Variants in ZNF292 observed in about 807,000 individuals in gnomAD.
ZNF292 encodes the protein zinc finger protein 292, also known as 16 zinc-finger domain protein.
In ZNF292, 26 loss-of-function variants were observed where a neutral mutation model predicts 217.9. The observed-to-expected ratio is 0.12, with a 90% CI of 0.09 to 0.17. The LOEUF (loss-of-function observed/expected upper bound fraction) is 0.17. ZNF292 is among the 10% of genes least tolerant of loss of function. ZNF292 has a pLI of 1.00. For synonymous variants in ZNF292, 1,257 were observed against 1,124.1 expected (o/e 1.12, Z -2.37); for missense variants, 2,904 against 3,175.2 (o/e 0.91, Z 2.05).
chr6:87,247,774 G>T (rs1244527488), intron 7 of ZNF292, among the ~76,000 whole-genome samples: 1 of 152,132 alleles, frequency 6.6e-6, no homozygotes, highest in African/African-American at 2.4e-5. Context: ...TATAATTATG[G>T]AAAAATCTAG....
At chr6:87,170,615 C>G (rs538161064) in intron 1 of ZNF292, among the ~76,000 whole-genome samples, 176 of 152,264 alleles carry the variant, frequency 1.2e-3, no homozygotes, top group Admixed American at 1.8e-3. Context: ...GAGGATTTAC[C>G]TATAATTGAA....
At chr6:87,240,340 T>G (rs1582481808) in intron 5 of ZNF292, among the ~76,000 whole-genome samples, 1 of 77,606 alleles carries the variant, frequency 1.3e-5, no homozygotes, top group Non-Finnish European at 2.4e-5. Flanking sequence ...AGGGAGACCG[T>G]GGAAAGAGAG....
intron 5 of ZNF292, among the ~76,000 whole-genome samples, chr6:87,237,193 A>T (rs188988665): frequency 1.3e-5 from 2 of 152,164 alleles, no homozygotes; most frequent in African/African-American, 2.4e-5. Flanking sequence ...TTTATTTTCT[A>T]TATGGAAAGC....
At chr6:87,231,790 C>CT (rs1036731785) in intron 4 of ZNF292, among the ~76,000 whole-genome samples, 1 of 152,030 alleles carries the variant, frequency 6.6e-6, no homozygotes, top group Admixed American at 6.6e-5. Context: ...TTGATTGTGA[C>CT]TTTTTTGTGA....
chr6:87,257,888 CTCT>C lies in ZNF292; in HGVS notation c.4264_4266del (p.Leu1422del), dbSNP rs756478478. The C allele has an allele frequency of 1.2e-6, 2 of 1,613,788 alleles. No individual in the cohort carries two copies. Among genetic ancestry groups the C allele is most frequent in the Non-Finnish European group, 1.7e-6 (2 of 1,179,842 alleles). Reference sequence around the variant, plus strand: ...CTTCTACAGAGTAATGGACAGCCTTCTCTTCTTGCCAGCATGATTCTCTCCACA... The same window carrying C: ...CTTCTACAGAGTAATGGACAGCCTTCTCTTGCCAGCATGATTCTCTCCACA... On this transcript the variant is annotated inframe_deletion, in exon 8 of 8. Coordinates refer to ENST00000369577, the MANE Select transcript of ZNF292 (RefSeq NM_015021.3).
intron 5 of ZNF292, among the ~76,000 whole-genome samples, chr6:87,236,812 A>G (rs547289003): frequency 1.3e-5 from 2 of 152,368 alleles, no homozygotes; most frequent in South Asian, 2.1e-4. Flanking sequence ...ACATGTTTCC[A>G]TATCATTTCA....
Position 87,260,230 on chromosome 6 carries a change from C to T in ZNF292, c.6601C>T (p.Pro2201Ser). 1.2e-6 allele frequency: 2 copies of T among 1,613,552 alleles called. No homozygotes were observed. The highest frequency in any genetic ancestry group is 1.7e-6 in the Non-Finnish European group (2 of 1,179,628). ...CTACATGAAACTTCATGAAATGACTCCTGAAGAAATTGAAAGTATGACTGC... is the reference window on the plus strand; with the variant it reads ...CTACATGAAACTTCATGAAATGACTTCTGAAGAAATTGAAAGTATGACTGC... ...QHYMKLHEMTPEEIESMTASV... is the reference protein window; with the variant it reads ...QHYMKLHEMTSEEIESMTASV... The change falls in exon 8 of 8, where the codon CCT (proline) becomes TCT (serine). Residue 2201 changes from proline (P) to serine (S), a missense_variant. Transcript: ENST00000369577.
rs145991567 is a variant in ZNF292 at position 87,247,389 on chromosome 6, C to G, written c.1020+1745C>G. On this transcript the variant is annotated intron_variant, in intron 7 of 7. Coordinates refer to ENST00000369577, the MANE Select transcript of ZNF292 (RefSeq NM_015021.3). ...AGGTAGACTAGAAAAATAATACTGTCTAACACATATGGATGGTAGGGAATT... is the reference window on the plus strand; with the variant it reads ...AGGTAGACTAGAAAAATAATACTGTGTAACACATATGGATGGTAGGGAATT... 4.3e-4 allele frequency among the ~76,000 whole-genome samples: 65 copies of G among 152,222 alleles called. No individual in the cohort carries two copies. The South Asian group carries it at 6.2e-3, about 15-fold the overall frequency.
Position 87,257,368 on chromosome 6 carries a change from A to G in ZNF292, c.3739A>G (p.Thr1247Ala), listed in dbSNP as rs767969889. Residue 1247 changes from threonine (T) to alanine (A), a missense_variant, in exon 8 of 8, where the codon ACC becomes GCC. Thr to Ala is a moderately conservative substitution (Grantham distance 58). Transcript: ENST00000369577. ...TALPAQMEDL[T>A]KTVLPLNIDS... Reference sequence around the variant, plus strand: ...CTTGCCAGCACAAATGGAAGATCTAACCAAAACAGTTCTGCCTTTGAATAT... The same window carrying G: ...CTTGCCAGCACAAATGGAAGATCTAGCCAAAACAGTTCTGCCTTTGAATAT... The G allele has an allele frequency of 2.5e-6, 4 of 1,613,582 alleles. No individual in the cohort carries two copies. In the Admixed American group the frequency reaches 6.7e-5, roughly 27 times the overall value.
chr6:87,169,032 A>T (rs1349992780), intron 1 of ZNF292, among the ~76,000 whole-genome samples: 6 of 131,314 alleles, frequency 4.6e-5, no homozygotes, highest in African/African-American at 1.7e-4. Flanking sequence ...GTTACTTTTT[A>T]TTGCTTTTTT....
chr6:87,233,717 C>G lies in ZNF292; in HGVS notation c.741+190C>G, dbSNP rs1214084139. On this transcript the variant is annotated intron_variant, in intron 5 of 7. Transcript: ENST00000369577. ...TAGAATTATATGTAAACTGATTGCACCTAGTTTCTGTTTTAAATAATATAC... is the reference window on the plus strand; with the variant it reads ...TAGAATTATATGTAAACTGATTGCAGCTAGTTTCTGTTTTAAATAATATAC... 9 of 888,358 alleles carry G rather than the reference C, an allele frequency of 1.0e-5. No homozygotes were observed. In the African/African-American group the frequency reaches 1.6e-4, roughly 16 times the overall value. The allele number at this position is 888,358 out of a possible 1,614,324, so 55.0% of individuals were successfully genotyped here. A position where few individuals can be genotyped will look rare whatever the true frequency, so the allele number is the denominator to read the frequency against.
intron 4 of ZNF292, among the ~76,000 whole-genome samples, chr6:87,228,813 G>T (rs571458372): frequency 1.5e-4 from 23 of 152,238 alleles, no homozygotes; most frequent in African/African-American, 5.5e-4. Flanking sequence ...AGTATCATCA[G>T]TGTTTGATTA....
chr6:87,242,817 G>A (rs1774365981), intron 5 of ZNF292, among the ~76,000 whole-genome samples: 1 of 152,166 alleles, frequency 6.6e-6, no homozygotes, highest in Non-Finnish European at 1.5e-5. Flanking sequence ...AGATGTAAGT[G>A]CATCATTAAA....
chr6:87,229,378 G>T (rs1773532020), intron 4 of ZNF292, among the ~76,000 whole-genome samples: 1 of 151,382 alleles, frequency 6.6e-6, no homozygotes, highest in Admixed American at 6.6e-5. Context: ...ACTTCTTTTC[G>T]ATCTGTATCT....
chr6:87,257,544 T>G lies in ZNF292; in HGVS notation c.3915T>G (p.Thr1305=). 1 of 1,607,732 alleles carries G rather than the reference T, an allele frequency of 6.2e-7. No individual in the cohort carries two copies. The change falls in exon 8 of 8, where the codon ACT becomes ACG. Residue 1305 remains threonine (T), a synonymous_variant. Coordinates refer to ENST00000369577, the MANE Select transcript of ZNF292 (RefSeq NM_015021.3). ...ATTCCTCACAGATTGAAGGAAACACTAATTCCTCCTTTCTAAAGGGGGGTA... is the reference window on the plus strand; with the variant it reads ...ATTCCTCACAGATTGAAGGAAACACGAATTCCTCCTTTCTAAAGGGGGGTA... ...NHYSSQIEGN[T]NSSFLKGGNG...
intron 3 of ZNF292, among the ~76,000 whole-genome samples, chr6:87,217,682 T>C (rs983773299): frequency 6.6e-6 from 1 of 152,098 alleles, no homozygotes; most frequent in Non-Finnish European, 1.5e-5. Context: ...AGGAAGTAAC[T>C]CTTTACATCC....
At position 87,260,246 on chromosome 6, in the gene ZNF292, G is replaced by A; in HGVS notation, c.6617G>A (p.Ser2206Asn). Residue 2206 changes from serine to asparagine, a missense_variant, in exon 8 of 8, where the codon AGT becomes AAT. By Grantham distance (46) the Ser-to-Asn change is conservative. Coordinates refer to ENST00000369577, the MANE Select transcript of ZNF292 (RefSeq NM_015021.3). ...LHEMTPEEIE[S>N]MTASVDVGKF... The stretch of plus-strand genomic sequence containing the variant: ...GAAATGACTCCTGAAGAAATTGAAA[G>A]TATGACTGCTTCAGTGGATGTTGGG... 6.2e-7 allele frequency: 1 copy of A among 1,613,638 alleles called. No individual in the cohort carries two copies. The highest frequency in any genetic ancestry group is 8.5e-7 in the Non-Finnish European group (1 of 1,179,624).
At chr6:87,241,571 A>T (rs1774289124) in intron 5 of ZNF292, among the ~76,000 whole-genome samples, 1 of 152,088 alleles carries the variant, frequency 6.6e-6, no homozygotes, top group African/African-American at 2.4e-5. Context: ...GGCATGCATC[A>T]CCATGTCCAG....
chr6:87,206,253 A>G (rs1562139471), intron 1 of ZNF292, among the ~76,000 whole-genome samples: 2 of 152,214 alleles, frequency 1.3e-5, no homozygotes, highest in Non-Finnish European at 2.9e-5. Flanking sequence ...TACCATTATG[A>G]TAAGTACTCC....
Sources: gnomAD v4.1 joint callset for allele counts (sites outside exome capture counted in the v4.1 genomes callset) on GRCh38, gnomAD v4.1.1 for gene constraint, MANE v1.5 for transcripts, NCBI Gene and HGNC (gene_info 2026-07-23, HGNC 2026-07-21) for gene names.